Variants in DKK3 observed in about 807,000 individuals in gnomAD.
The protein encoded by DKK3 is dickkopf Wnt signaling pathway inhibitor 3.
Under a neutral mutation model 33.2 loss-of-function variants are expected in DKK3, and 22 were observed. The ratio of observed to expected loss-of-function variants is 0.66; its 90% CI spans 0.47 to 0.95. The LOEUF (loss-of-function observed/expected upper bound fraction) is 0.95. Ranked by LOEUF, DKK3 falls within the 40% of genes least tolerant of loss-of-function variation. The probability of loss-of-function intolerance (pLI) is 0.00; values close to 1 mark genes in which losing one functional copy is unlikely to be tolerated. For synonymous variants in DKK3, 194 were observed against 188.8 expected, an observed-to-expected ratio of 1.03 and a Z score of -0.23; for missense variants, 398 against 458.4, an observed-to-expected ratio of 0.87 and a Z score of 1.20.
At chr11:11,981,410 C>T (rs1232909423) in intron 3 of DKK3, among the ~76,000 whole-genome samples, 2 of 152,218 alleles carry the variant, frequency 1.3e-5, no homozygotes, top group African/African-American at 4.8e-5. Flanking sequence ...CAGAGACAAA[C>T]CATCCCCATG....
chr11:11,983,335 G>A (rs1847995679), intron 3 of DKK3, among the ~76,000 whole-genome samples: 1 of 152,216 alleles, frequency 6.6e-6, no homozygotes, highest in African/African-American at 2.4e-5. Context: ...GTGCTTCTGA[G>A]ACACAGTCCC....
intron 5 of DKK3, 150 bp from the exon 6 acceptor site, chr11:11,966,115 A>C: frequency 1.0e-6 from 1 of 988,576 alleles, no homozygotes; most frequent in Non-Finnish European, 1.4e-6. Context: ...GACAGGAAAC[A>C]AGAATAGCAG....
Position 11,967,092 on chromosome 11 carries a change from T to A in DKK3, c.535A>T (p.Thr179Ser). 2 of 1,613,218 alleles carry A rather than the reference T, an allele frequency of 1.2e-6. No individual in the cohort carries two copies. Among genetic ancestry groups the A allele is most frequent in the Non-Finnish European group, 8.5e-7 (1 of 1,179,752 alleles). Residue 179 changes from threonine (T) to serine (S), a missense_variant, in exon 5 of 7, where the codon ACC becomes TCC. Transcript: ENST00000683431. ...TCTCCACAGCACTCACTGTCCCGGGTGCAGAGCTGCAGACAGGTGGAAAGA... is the reference window on the plus strand; with the variant it reads ...TCTCCACAGCACTCACTGTCCCGGGAGCAGAGCTGCAGACAGGTGGAAAGA... The part of the protein sequence containing the change: ...QPCRGQRMLC[T>S]RDSECCGDQL...
chr11:11,964,515 C>G lies in DKK3; in HGVS notation c.1002G>C (p.Leu334=). 6.2e-7 allele frequency: 1 copy of G among 1,613,870 alleles called. No individual in the cohort carries two copies. The highest frequency in any genetic ancestry group is 1.3e-5 in the African/African-American group (1 of 75,064). Residue 334 remains leucine, a synonymous_variant, in exon 7 of 7, where the codon CTG becomes CTC. Coordinates refer to ENST00000683431, the MANE Select transcript of DKK3 (RefSeq NM_001018057.2). The stretch of plus-strand genomic sequence containing the variant: ...CAGCGGCGGCAGCCGCAGGCTCCCT[C>G]AGCGCCATCTCTTCAGTCAGGCTCC... ...LERSLTEEMA[L]REPAAAAAAL...
intron 3 of DKK3, among the ~76,000 whole-genome samples, chr11:11,972,716 G>GT (rs567705157): frequency 2.0e-3 from 299 of 152,292 alleles, no homozygotes; most frequent in Non-Finnish European, 3.1e-3. Context: ...AGAAATCCAG[G>GT]TTTTTTTCTT....
At chr11:11,964,821 C>G (rs1372594624) in intron 6 of DKK3, 135 bp from the exon 7 acceptor site, 161 of 1,450,066 alleles carry the variant, frequency 1.1e-4, no homozygotes, top group Non-Finnish European at 1.5e-4. Flanking sequence ...AACAGAGACA[C>G]TTCACTTCCC....
At chr11:11,965,641 C>T (rs776306314) in intron 6 of DKK3, among the ~76,000 whole-genome samples, 168 bp downstream of exon 6, 3 of 151,978 alleles carry the variant, frequency 2.0e-5, no homozygotes, top group East Asian at 2.0e-4. Context: ...CCCCTAGAAC[C>T]GACTGCTGAT....
At chr11:11,987,881 A>T (rs1022209035) in intron 3 of DKK3, among the ~76,000 whole-genome samples, 26 of 152,256 alleles carry the variant, frequency 1.7e-4, no homozygotes, top group African/African-American at 6.3e-4. Flanking sequence ...TTACTGATTC[A>T]TCACACTCAA....
upstream of DKK3, chr11:12,009,196 G>A: frequency 1.0e-6 from 1 of 985,104 alleles, no homozygotes; most frequent in Non-Finnish European, 1.2e-6. Context: ...GTTGCGCTGC[G>A]GGCCGGACTG....
intron 3 of DKK3, among the ~76,000 whole-genome samples, chr11:11,978,491 CTTCTTCTTCT>C (rs1847886736): frequency 2.0e-5 from 3 of 148,968 alleles, no homozygotes; most frequent in South Asian, 2.1e-4. Context: ...TCTTCCTCTT[CTTCTTCTTCT>C]TTCTTCTTTC....
intron 3 of DKK3, among the ~76,000 whole-genome samples, chr11:11,970,669 T>TA (rs1461178838): frequency 6.6e-6 from 1 of 152,164 alleles, no homozygotes; most frequent in Non-Finnish European, 1.5e-5. Flanking sequence ...CAAGGGACTT[T>TA]AAAAATGGAA....
In DKK3 at chr11:11,979,428, C is replaced by T. The variant is rs185427047; in HGVS notation, c.436-10941G>A. On this transcript the variant is annotated intron_variant, in intron 3 of 6. Coordinates refer to ENST00000683431, the MANE Select transcript of DKK3 (RefSeq NM_001018057.2). Reference sequence around the variant, plus strand: ...CGGGAGAAATGCTTCCGGTCACAGGCGGGTAGCCAAGTTCTCACCAGGTTC... The same window carrying T: ...CGGGAGAAATGCTTCCGGTCACAGGTGGGTAGCCAAGTTCTCACCAGGTTC... Among the ~76,000 whole-genome samples, 137 of 152,324 alleles carry T rather than the reference C, an allele frequency of 9.0e-4. 3 individuals are homozygous for T. Among genetic ancestry groups the T allele is most frequent in the Middle Eastern group, 3.4e-3 (1 of 294 alleles).
intron 3 of DKK3, among the ~76,000 whole-genome samples, chr11:11,996,741 C>T (rs1215917508): frequency 1.3e-5 from 2 of 152,252 alleles, no homozygotes; most frequent in Non-Finnish European, 1.5e-5. Context: ...AGATCTACCG[C>T]TCCCCTCAAC....
intron 3 of DKK3, among the ~76,000 whole-genome samples, chr11:11,981,097 A>T (rs1564913406): frequency 6.6e-6 from 1 of 152,206 alleles, no homozygotes; most frequent in Non-Finnish European, 1.5e-5. Context: ...ATCCTAGCAG[A>T]GCACTTGGCT....
At position 11,963,041 on chromosome 11, in the gene DKK3, C is replaced by A. The variant is rs901176443; in HGVS notation, c.*1423G>T. 2.6e-5 allele frequency: 4 copies of A among 152,414 alleles called. No homozygotes were observed. The highest frequency in any genetic ancestry group is 2.6e-4 in the Admixed American group (4 of 15,272). The allele number at this position is 152,414 out of a possible 1,614,324, so 9.4% of individuals were successfully genotyped here. A position where few individuals can be genotyped will look rare whatever the true frequency, so the allele number is the denominator to read the frequency against. ...ACAGGTTGTTTCTATTTTACTTTTT[C>A]TGGCTGAAAGGATTTTACATTTATT... is the stretch of plus-strand genomic sequence containing the variant. On this transcript the variant is annotated 3_prime_UTR_variant, in exon 7 of 7. Coordinates refer to ENST00000683431, the MANE Select transcript of DKK3 (RefSeq NM_001018057.2).
At chr11:11,993,972 G>A (rs527954561) in intron 3 of DKK3, among the ~76,000 whole-genome samples, 1 of 152,164 alleles carries the variant, frequency 6.6e-6, no homozygotes, top group South Asian at 2.1e-4. Context: ...CCTCAACCTA[G>A]ACATATAGGA....
At chr11:11,966,759 A>AC (rs1434079506) in intron 5 of DKK3, among the ~76,000 whole-genome samples, 195 bp downstream of exon 5, 3 of 151,780 alleles carry the variant, frequency 2.0e-5, no homozygotes, top group Non-Finnish European at 4.4e-5. Flanking sequence ...GAGCATCAAC[A>AC]GGGGAAAAAA....
At chr11:11,997,930 G>A (rs1442821939) in intron 3 of DKK3, among the ~76,000 whole-genome samples, 3 of 152,078 alleles carry the variant, frequency 2.0e-5, no homozygotes, top group African/African-American at 4.8e-5. Flanking sequence ...CTGGATACAG[G>A]GGGGCTGGCT....
At chr11:11,990,733 G>A (rs780564207) in intron 3 of DKK3, among the ~76,000 whole-genome samples, 32 of 152,128 alleles carry the variant, frequency 2.1e-4, no homozygotes, top group Non-Finnish European at 2.8e-4. Flanking sequence ...ATTGTTTAGC[G>A]TTCCTCCAAC....
Sources: gnomAD v4.1 joint callset for allele counts (sites outside exome capture counted in the v4.1 genomes callset) on GRCh38, gnomAD v4.1.1 for gene constraint, MANE v1.5 for transcripts, NCBI Gene and HGNC (gene_info 2026-07-23, HGNC 2026-07-21) for gene names.